The following HSPB7 variants were observed in gnomAD, a reference collection of about 807,000 sequenced individuals.
HSPB7 encodes heat shock protein beta-7.
Under a neutral mutation model 11.0 loss-of-function variants are expected in HSPB7, and 9 were observed. The observed-to-expected ratio is 0.82, with a 90% CI of 0.49 to 1.43. HSPB7 has a LOEUF of 1.43. Among genes scored for constraint, HSPB7 ranks in the 40% most tolerant of loss-of-function variants. The pLI, the probability that HSPB7 is intolerant of heterozygous loss-of-function variation, is 0.00. For missense variants in HSPB7, 246 were observed against 243.9 expected, an observed-to-expected ratio of 1.01 and a Z score of -0.06; for synonymous variants, 102 against 101.6, an observed-to-expected ratio of 1.00 and a Z score of -0.02.
upstream of HSPB7, chr1:16,019,104 A>G (rs1191264693): frequency 1.3e-6 from 2 of 1,516,874 alleles, no homozygotes; most frequent in African/African-American, 2.8e-5. Context: ...CTCCCTACCC[A>G]CCTGCTTGCT....
rs1459984796 is a variant in HSPB7, at chr1:16,015,231, T to TTGTC, written c.*345_*348dup. 4.3e-6 allele frequency: 1 copy of TTGTC among 231,876 alleles called. No individual in the cohort carries two copies. Among genetic ancestry groups the TTGTC allele is most frequent in the Admixed American group, 5.2e-5 (1 of 19,348 alleles). The allele number at this position is 231,876 out of a possible 1,614,324, so 14.4% of individuals were successfully genotyped here. ...GCAGAGACTTCATAGATCAGAGGGT[T>TTGTC]TGTCTGTCTGTCTGTCCTGCAGAGC... On this transcript the variant is annotated 3_prime_UTR_variant, in exon 3 of 3. Transcript: ENST00000311890. This position sits in a 1 kb window ranked among gnomAD's most constrained non-coding sequence, Gnocchi z 4.9.
upstream of HSPB7, chr1:16,019,260 GCCTCCTC>G: frequency 6.5e-7 from 1 of 1,536,488 alleles, no homozygotes. Context: ...CAGCTCCAAT[GCCTCCTC>G]CCCCAGGGAG....
chr1:16,019,228 ATCCGTCCCT>A (rs966525707), upstream of HSPB7: 3 of 1,550,184 alleles, frequency 1.9e-6, no homozygotes, highest in Admixed American at 5.9e-5. Flanking sequence ...TCCTCTCCAA[ATCCGTCCCT>A]TCCGTCCCAG....
chr1:16,018,747 A>T, upstream of HSPB7: 1 of 1,060,506 alleles, frequency 9.4e-7, no homozygotes, highest in Non-Finnish European at 1.1e-6. Context: ...GTCAGAGGTG[A>T]TGCCTGCGAG....
Position 16,015,418 on chromosome 1 carries a change from T to G in HSPB7, c.*162A>C. 1 of 640,958 alleles carries G rather than the reference T, an allele frequency of 1.6e-6. No individual in the cohort carries two copies. The highest frequency in any genetic ancestry group is 2.7e-6 in the Non-Finnish European group (1 of 367,926). The allele number at this position is 640,958 out of a possible 1,614,324, so 39.7% of individuals were successfully genotyped here. A position where few individuals can be genotyped will look rare whatever the true frequency, so the allele number is the denominator to read the frequency against. On this transcript the variant is annotated 3_prime_UTR_variant, in exon 3 of 3. Transcript: ENST00000311890. The surrounding 1 kb of genome is among the most constrained non-coding windows in gnomAD (Gnocchi z 4.9). ...CAGGGAGTCCCTGGCCTGCCCTGGA[T>G]AGAGTGGAGGGCCCTAGTTTGGGAG...
At position 16,017,209 on chromosome 1, in the gene HSPB7, T is replaced by C. The variant is rs1218361417; in HGVS notation, c.200-2A>G. 1 of 1,612,608 alleles carries C rather than the reference T, an allele frequency of 6.2e-7. No homozygotes were observed. Among genetic ancestry groups the C allele is most frequent in the African/African-American group, 1.3e-5 (1 of 74,874 alleles). ...TGTTGCCTGCCCCACCGGGGCGGGC[T>C]GTGGGATGGGCTGCTGTGAGCGAGG... is the stretch of plus-strand genomic sequence containing the variant. On this transcript the variant is annotated splice_acceptor_variant, in intron 1 of 2. Transcript: ENST00000311890. LOFTEE classifies it high-confidence loss of function.
At chr1:16,018,974 C>T (rs963611846), upstream of HSPB7, 64 of 996,544 alleles carry the variant, frequency 6.4e-5, no homozygotes, top group African/African-American at 8.3e-4. Context: ...CTCGCAGTTG[C>T]GTAAGTGGCA....
upstream of HSPB7, chr1:16,018,757 G>A (rs371807761): frequency 1.5e-5 from 16 of 1,068,232 alleles, no homozygotes; most frequent in East Asian, 2.3e-4. Context: ...ATGCCTGCGA[G>A]CGCCTTAGGT....
At chr1:16,019,518 C>CT, upstream of HSPB7, 1 of 1,506,134 alleles carries the variant, frequency 6.6e-7, no homozygotes, top group East Asian at 2.5e-5. Context: ...GTCTGAGCCC[C>CT]CTACAACCCA....
chr1:16,017,339 G>A, intron 1 of HSPB7, 132 bp from the exon 2 acceptor site: 1 of 1,269,496 alleles, frequency 7.9e-7, no homozygotes. Context: ...TTCTCCCTAA[G>A]CTCCTCCTCA....
Position 16,015,845 on chromosome 1 carries a change from C to T in HSPB7, c.334-86G>A. On this transcript the variant is annotated intron_variant, in intron 2 of 2. Coordinates refer to ENST00000311890, the MANE Select transcript of HSPB7 (RefSeq NM_014424.5). This position sits in a 1 kb window ranked among gnomAD's most constrained non-coding sequence, Gnocchi z 4.9. Reference sequence around the variant, plus strand: ...CAGAGCCCTCTTCTCCCCATTCTAACCCCAGCCAGACCCCACATGCCGAGG... The same window carrying T: ...CAGAGCCCTCTTCTCCCCATTCTAATCCCAGCCAGACCCCACATGCCGAGG... 2.3e-6 allele frequency: 3 copies of T among 1,302,092 alleles called. No individual in the cohort carries two copies. The highest frequency in any genetic ancestry group is 3.1e-6 in the Non-Finnish European group (3 of 955,380). 80.7% of individuals were successfully genotyped at this position (1,302,092 alleles called of 1,614,324 possible).
chr1:16,018,335 T>G, upstream of HSPB7: 1 of 1,237,188 alleles, frequency 8.1e-7, no homozygotes, highest in Non-Finnish European at 1.0e-6. Context: ...CTTGCAAGTT[T>G]GGGGTTTATT....
intron 2 of HSPB7, among the ~76,000 whole-genome samples, chr1:16,016,089 C>A (rs568085433): frequency 1.2e-4 from 19 of 152,350 alleles, no homozygotes; most frequent in South Asian, 1.2e-3. Context: ...AGAGGAGAGC[C>A]GTGCCTTCCT....
rs2021587982 is a variant in HSPB7, at chr1:16,015,006, T to A, written c.*574A>T. The A allele has an allele frequency of 6.5e-6, 1 of 153,282 alleles. No individual in the cohort carries two copies. Among genetic ancestry groups the A allele is most frequent in the Admixed American group, 6.4e-5 (1 of 15,626 alleles). The allele number at this position is 153,282 out of a possible 1,614,324, so 9.5% of individuals were successfully genotyped here. ...CAGCCAGCTGGCTGGGGGCACGGGGTGGGCAGGCAGCCTGCTCGCTGGCGT... is the reference window on the plus strand; with the variant it reads ...CAGCCAGCTGGCTGGGGGCACGGGGAGGGCAGGCAGCCTGCTCGCTGGCGT... On this transcript the variant is annotated 3_prime_UTR_variant, in exon 3 of 3. Transcript: ENST00000311890. The surrounding 1 kb of genome is among the most constrained non-coding windows in gnomAD (Gnocchi z 4.9).
Position 16,015,755 on chromosome 1 carries a change from G to A in HSPB7, c.338C>T (p.Ala113Val), listed in dbSNP as rs764292072. Residue 113 changes from alanine (A) to valine (V), a missense_variant, in exon 3 of 3, where the codon GCG becomes GTG. By Grantham distance (64) the Ala-to-Val change is moderately conservative (BLOSUM62 0). Coordinates refer to ENST00000311890, the MANE Select transcript of HSPB7 (RefSeq NM_014424.5). This position sits in a 1 kb window ranked among gnomAD's most constrained non-coding sequence, Gnocchi z 4.9. ...NHIEVRAEKL[A>V]ADGTVMNTFA... is the part of the protein sequence containing the mutation. ...GGTGTTCATGACAGTGCCGTCAGCC[G>A]CCAGCTGGGGAAGGGGTGACCCGTC... 2.0e-5 allele frequency: 31 copies of A among 1,576,882 alleles called. No homozygotes were observed. The highest frequency in any genetic ancestry group is 2.7e-5 in the African/African-American group (2 of 74,446).
chr1:16,018,558 T>C, upstream of HSPB7: 2 of 1,064,358 alleles, frequency 1.9e-6, no homozygotes, highest in Non-Finnish European at 2.3e-6. Flanking sequence ...GGTTGAGCCC[T>C]GCCAGGGGGT....
At chr1:16,018,880 G>C, upstream of HSPB7, 2 of 1,326,430 alleles carry the variant, frequency 1.5e-6, no homozygotes, top group Non-Finnish European at 2.0e-6. Context: ...GCACGGCCCC[G>C]TTTGATCCCC....
intron 2 of HSPB7, 112 bp downstream of exon 2, chr1:16,016,962 G>A (rs1300645224): frequency 1.8e-6 from 2 of 1,127,148 alleles, no homozygotes; most frequent in African/African-American, 3.1e-5. Context: ...GAGTTTGGGT[G>A]GGGAAGGGAC....
intron 2 of HSPB7, among the ~76,000 whole-genome samples, chr1:16,016,043 T>C (rs1303066717): frequency 6.6e-6 from 1 of 152,178 alleles, no homozygotes; most frequent in East Asian, 1.9e-4. Context: ...TGGCAGTGGC[T>C]CCGAATCTGG....
Sources: allele counts gnomAD v4.1 joint callset (sites outside exome capture counted in the v4.1 genomes callset), GRCh38; gene constraint gnomAD v4.1.1; non-coding constraint Gnocchi (gnomAD v3.1); transcripts MANE v1.5; gene names NCBI Gene and HGNC (gene_info 2026-07-23, HGNC 2026-07-21).